Variants in ACOX1 observed in about 807,000 individuals in gnomAD.
ACOX1 encodes acyl-CoA oxidase 1.
ACOX1 carries 41 observed loss-of-function variants against 75.5 expected under a neutral mutation model. That is an observed-to-expected ratio of 0.54 (90% confidence interval 0.42 to 0.70). ACOX1 has a LOEUF of 0.70. ACOX1 is among the 30% of genes least tolerant of loss of function. The probability of loss-of-function intolerance (pLI) is 0.00; values close to 1 mark genes in which losing one functional copy is unlikely to be tolerated. For missense variants in ACOX1, 630 were observed against 837.5 expected (o/e 0.75, Z 3.06); for synonymous variants, 303 against 298.8 (o/e 1.01, Z -0.15).
rs1181890344 is a variant in ACOX1, at chr17:75,943,071, C to T, written c.*3677G>A. ...TGAAACTCCATCTCTGCTCAAAATA[C>T]AAAAATTAGCCGAGCGTGATGGCAG... On this transcript the variant is annotated 3_prime_UTR_variant, in exon 14 of 14. Coordinates refer to ENST00000293217, the MANE Select transcript of ACOX1 (RefSeq NM_004035.7). The T allele has an allele frequency of 6.6e-6, 1 of 151,918 alleles. No homozygotes were observed. Among genetic ancestry groups the T allele is most frequent in the African/African-American group, 2.4e-5 (1 of 41,352 alleles). The allele number at this position is 151,918 out of a possible 1,614,324, so 9.4% of individuals were successfully genotyped here.
At chr17:75,955,717 T>C in intron 5 of ACOX1, 36 bp from the exon 6 acceptor site, 1 of 1,611,960 alleles carries the variant, frequency 6.2e-7, no homozygotes, top group East Asian at 2.2e-5. Context: ...GAGATGTTTA[T>C]GCTCTGGAAT....
chr17:75,953,423 C>G (rs1327436772), intron 7 of ACOX1, 28 bp downstream of exon 7: 1 of 1,611,818 alleles, frequency 6.2e-7, no homozygotes, highest in African/African-American at 1.3e-5. Flanking sequence ...GCCTTTGGTA[C>G]TGAGCCCATC....
intron 2 of ACOX1, among the ~76,000 whole-genome samples, chr17:75,971,282 ACT>A (rs1401648091): frequency 6.7e-6 from 1 of 148,416 alleles, no homozygotes; most frequent in Non-Finnish European, 1.5e-5. Context: ...CAAGAGCAAA[ACT>A]CTGTCTCAAA....
chr17:75,951,747 G>A (rs933720654), intron 7 of ACOX1, among the ~76,000 whole-genome samples, 170 bp from the exon 8 acceptor site: 19 of 149,966 alleles, frequency 1.3e-4, no homozygotes, highest in African/African-American at 2.5e-4. Flanking sequence ...AAACTGAGAG[G>A]TTAAGAATCT....
chr17:75,965,994 G>A (rs2065928588), intron 2 of ACOX1, among the ~76,000 whole-genome samples: 1 of 151,910 alleles, frequency 6.6e-6, no homozygotes, highest in South Asian at 2.1e-4. Flanking sequence ...GATGGGCATG[G>A]TAGCACATGC....
chr17:75,964,874 A>G (rs985587915), intron 2 of ACOX1, among the ~76,000 whole-genome samples: 3 of 152,206 alleles, frequency 2.0e-5, no homozygotes, highest in African/African-American at 7.2e-5. Flanking sequence ...AAGGCTGGAA[A>G]GGCTGACAAT....
chr17:75,972,120 G>C (rs1346713887), intron 2 of ACOX1, among the ~76,000 whole-genome samples: 2 of 152,076 alleles, frequency 1.3e-5, no homozygotes, highest in African/African-American at 2.4e-5. Flanking sequence ...ACGAGGTCAG[G>C]AGATCAAGAC....
At chr17:75,949,464 G>A (rs368403700) in intron 11 of ACOX1, 31 bp downstream of exon 11, 1 of 1,611,896 alleles carries the variant, frequency 6.2e-7, no homozygotes, top group Non-Finnish European at 8.5e-7. Flanking sequence ...CTGAGGGCAG[G>A]GAAGGGGAAA....
At chr17:75,951,339 GT>G in intron 8 of ACOX1, 75 bp downstream of exon 8, 1 of 1,560,386 alleles carries the variant, frequency 6.4e-7, no homozygotes, top group Non-Finnish European at 8.8e-7. Flanking sequence ...CCAACATTTA[GT>G]TATCTCTGGA....
At chr17:75,958,596 C>T (rs1188697784) in intron 3 of ACOX1, among the ~76,000 whole-genome samples, 2 of 151,514 alleles carry the variant, frequency 1.3e-5, no homozygotes, top group Non-Finnish European at 2.9e-5. Flanking sequence ...ATCACAAAGT[C>T]AGGAGATCGA....
At chr17:75,947,949 C>A (rs891395751) in intron 13 of ACOX1, among the ~76,000 whole-genome samples, 1 of 152,098 alleles carries the variant, frequency 6.6e-6, no homozygotes, top group African/African-American at 2.4e-5. Flanking sequence ...GAACTCCTGA[C>A]CTCAGGTGAT....
Position 75,960,188 on chromosome 17 carries a change from C to T in ACOX1, c.430+27G>A. On this transcript the variant is annotated intron_variant, in intron 3 of 13. Coordinates refer to ENST00000293217, the MANE Select transcript of ACOX1 (RefSeq NM_004035.7). This position sits in a 1 kb window ranked among gnomAD's most constrained non-coding sequence, Gnocchi z 4.4. ...GTAAGCTCACAGGGGCCCGCCCAAC[C>T]CAGAAGGTAGACTGAATACTCCATA... 6.2e-7 allele frequency: 1 copy of T among 1,613,744 alleles called. No individual in the cohort carries two copies. Among genetic ancestry groups the T allele is most frequent in the Non-Finnish European group, 8.5e-7 (1 of 1,179,832 alleles).
chr17:75,954,318 T>A (rs2065802563), intron 6 of ACOX1, among the ~76,000 whole-genome samples: 1 of 149,862 alleles, frequency 6.7e-6, no homozygotes, highest in Admixed American at 6.6e-5. Context: ...GTCAGGAGTT[T>A]GAGACCAGCC....
chr17:75,957,317 G>C (rs1005843154), intron 4 of ACOX1, 142 bp downstream of exon 4: 42 of 753,908 alleles, frequency 5.6e-5, no homozygotes, highest in Non-Finnish European at 7.1e-6. Context: ...CTGACCTCAA[G>C]TGATCTGCCC....
intron 2 of ACOX1, among the ~76,000 whole-genome samples, chr17:75,976,312 T>C (rs190332648): frequency 3.9e-5 from 6 of 152,318 alleles, no homozygotes; most frequent in Admixed American, 1.3e-4. Context: ...TTCTATTTCA[T>C]TGTGACCTCA....
chr17:75,961,211 C>T (rs2065884330), intron 2 of ACOX1, among the ~76,000 whole-genome samples: 1 of 149,140 alleles, frequency 6.7e-6, no homozygotes, highest in African/African-American at 2.5e-5. Context: ...GAGAATTGCT[C>T]CAACCCAGGA....
chr17:75,967,621 T>C (rs1006910892), intron 2 of ACOX1, among the ~76,000 whole-genome samples: 1 of 92,014 alleles, frequency 1.1e-5, no homozygotes, highest in Non-Finnish European at 1.9e-5. Flanking sequence ...TATACATACA[T>C]ATATATATAC....
At chr17:75,955,524 C>G in intron 6 of ACOX1, 42 bp downstream of exon 6, 1 of 1,535,842 alleles carries the variant, frequency 6.5e-7, no homozygotes, top group Non-Finnish European at 9.0e-7. Context: ...CCACTCAACT[C>G]CACTGTTTGA....
chr17:75,946,564 T>G lies in ACOX1; in HGVS notation c.*184A>C. The stretch of plus-strand genomic sequence containing the variant: ...TTAACAGGTCTCTTTCAGTGTTAAT[T>G]GCACTTAAAACATCTGCTTTTTTTC... On this transcript the variant is annotated 3_prime_UTR_variant, in exon 14 of 14. Transcript: ENST00000293217. 2 of 617,414 alleles carry G rather than the reference T, an allele frequency of 3.2e-6. No homozygotes were observed. Among genetic ancestry groups the G allele is most frequent in the Non-Finnish European group, 2.9e-6 (1 of 341,784 alleles). 38.2% of individuals were successfully genotyped at this position (617,414 alleles called of 1,614,324 possible).
Sources: gnomAD v4.1 joint callset for allele counts (sites outside exome capture counted in the v4.1 genomes callset) on GRCh38, gnomAD v4.1.1 for gene constraint, Gnocchi (gnomAD v3.1) non-coding constraint, MANE v1.5 for transcripts, NCBI Gene and HGNC (gene_info 2026-07-23, HGNC 2026-07-21) for gene names.